HECTD4: variants seen among roughly 807,000 people sequenced by gnomAD.
The protein encoded by HECTD4 is HECT domain E3 ubiquitin protein ligase 4.
In HECTD4, 114 loss-of-function variants were observed where a neutral mutation model predicts 471.5. The observed-to-expected ratio is 0.24, with a 90% CI of 0.21 to 0.28. HECTD4 has a LOEUF of 0.28. Among genes scored for constraint, HECTD4 ranks in the 10% least tolerant of loss-of-function variants. The pLI is 1.00. For synonymous variants in HECTD4, 2,012 were observed against 2,256.0 expected, an observed-to-expected ratio of 0.89 and a Z score of 3.07; for missense variants, 3,866 against 5,651.5, an observed-to-expected ratio of 0.68 and a Z score of 10.13.
rs2033488453 is a variant in HECTD4, at chr12:112,235,791, A to G, written c.5445-7T>C. The G allele has an allele frequency of 3.1e-6, 5 of 1,604,786 alleles. No individual in the cohort carries two copies. Among genetic ancestry groups the G allele is most frequent in the Non-Finnish European group, 4.3e-6 (5 of 1,175,702 alleles). ...GGCTTTACCTATGTGGCTCCTGGGA[A>G]AAAAGGAAGAAAAGGTACACAGTGC... On this transcript the variant is annotated splice_polypyrimidine_tract_variant and splice_region_variant and intron_variant, in intron 35 of 75. Coordinates refer to ENST00000682272, the MANE Select transcript of HECTD4 (RefSeq NM_001388303.1). This position sits in a 1 kb window ranked among gnomAD's most constrained non-coding sequence, Gnocchi z 5.0.
At chr12:112,361,844 A>T (rs1359625183) in intron 1 of HECTD4, among the ~76,000 whole-genome samples, 1 of 152,182 alleles carries the variant, frequency 6.6e-6, no homozygotes, top group Non-Finnish European at 1.5e-5. Flanking sequence ...TTCCAAAAAC[A>T]ACAAAAAACT....
At position 112,306,367 on chromosome 12, in the gene HECTD4, T is replaced by C. The variant is rs1160431008; in HGVS notation, c.1165-133A>G. Reference sequence around the variant, plus strand: ...TTTCTGGTCAAAATAAAATGGATATTTATCTCTAATAATAACATACACAAA... The same window carrying C: ...TTTCTGGTCAAAATAAAATGGATATCTATCTCTAATAATAACATACACAAA... On this transcript the variant is annotated intron_variant, in intron 6 of 75. Coordinates refer to ENST00000682272, the MANE Select transcript of HECTD4 (RefSeq NM_001388303.1). 7.2e-6 allele frequency: 5 copies of C among 697,068 alleles called. No homozygotes were observed. The East Asian group carries it at 1.6e-4, about 23-fold the overall frequency. The allele number at this position is 697,068 out of a possible 1,614,324, so 43.2% of individuals were successfully genotyped here.
intron 52 of HECTD4, among the ~76,000 whole-genome samples, chr12:112,207,421 G>A (rs1287506990): frequency 0.015 from 1 of 66 alleles, no homozygotes; most frequent in African/African-American, 0.056. Context: ...GGGATTACAG[G>A]CGTGAGCACC....
At chr12:112,221,715 G>A (rs754266642) in intron 44 of HECTD4, among the ~76,000 whole-genome samples, 5 of 151,906 alleles carry the variant, frequency 3.3e-5, no homozygotes, top group Non-Finnish European at 7.4e-5. Context: ...TGAGCCCAGA[G>A]GCAACATAGG....
chr12:112,231,257 A>G, intron 39 of HECTD4: 1 of 537,890 alleles, frequency 1.9e-6, no homozygotes, highest in East Asian at 3.2e-5. Flanking sequence ...ATACTACTCA[A>G]AAGAATCCTC....
At position 112,216,976 on chromosome 12, in the gene HECTD4, C is replaced by T. The variant is rs2032934075; in HGVS notation, c.7237-55G>A. 7 of 1,596,278 alleles carry T rather than the reference C, an allele frequency of 4.4e-6. No individual in the cohort carries two copies. In the Admixed American group the frequency reaches 5.1e-5, roughly 12 times the overall value. ...CAGAGGGCTAATCCTGGGCCTGAGA[C>T]CTGCTTTTTCTTTCAAATCTGAAGA... On this transcript the variant is annotated intron_variant, in intron 46 of 75. Coordinates refer to ENST00000682272, the MANE Select transcript of HECTD4 (RefSeq NM_001388303.1).
chr12:112,369,386 G>C (rs1788685958), intron 1 of HECTD4, among the ~76,000 whole-genome samples: 1 of 142,386 alleles, frequency 7.0e-6, no homozygotes, highest in South Asian at 2.2e-4. Context: ...CTGTCATCCA[G>C]ACTGAAGTGC....
At chr12:112,240,735 G>C (rs1055693930) in intron 32 of HECTD4, among the ~76,000 whole-genome samples, 1 of 152,132 alleles carries the variant, frequency 6.6e-6, no homozygotes, top group Non-Finnish European at 1.5e-5. Context: ...ACAGGCCTGA[G>C]CCACTGTGCC....
rs1483811340 is a variant in HECTD4 at position 112,185,417 on chromosome 12, G to A, written c.9549C>T (p.Arg3183=). 6.3e-7 allele frequency: 1 copy of A among 1,596,830 alleles called. No homozygotes were observed. Among genetic ancestry groups the A allele is most frequent in the African/African-American group, 1.3e-5 (1 of 74,604 alleles). The change falls in exon 61 of 76, where the codon CGC becomes CGT. Residue 3183 remains arginine, a synonymous_variant. Transcript: ENST00000682272. ...GCCTCTGCTCCAGGGTGTGCACCGT[G>A]CGCAGGAGCTCTGCCAGGAGATGGA... ...LVFHLLAELL[R]TVHTLEQRRH...
intron 13 of HECTD4, among the ~76,000 whole-genome samples, chr12:112,267,786 ATTAAT>A (rs2034313141): frequency 6.6e-6 from 1 of 152,082 alleles, no homozygotes; most frequent in Non-Finnish European, 1.5e-5. Flanking sequence ...TTTTCTTTTC[ATTAAT>A]TTATTTGTGT....
chr12:112,189,620 C>T (rs2032009012), intron 60 of HECTD4, among the ~76,000 whole-genome samples: 1 of 151,274 alleles, frequency 6.6e-6, no homozygotes, highest in African/African-American at 2.4e-5. Context: ...TGTTCTCCTG[C>T]AGCAGTGGAT....
chr12:112,337,120 A>C (rs747722245), intron 1 of HECTD4, among the ~76,000 whole-genome samples: 1 of 152,212 alleles, frequency 6.6e-6, no homozygotes, highest in Non-Finnish European at 1.5e-5. Context: ...TTGAGACTCA[A>C]AACTGTTTAT....
intron 55 of HECTD4, among the ~76,000 whole-genome samples, chr12:112,199,666 G>C (rs1390713763): frequency 6.6e-6 from 1 of 152,224 alleles, no homozygotes; most frequent in Non-Finnish European, 1.5e-5. Context: ...AGCTTTGCCA[G>C]ATCTTTAGGT....
intron 6 of HECTD4, 149 bp downstream of exon 6, chr12:112,308,604 A>C: frequency 2.7e-6 from 2 of 741,520 alleles, no homozygotes; most frequent in Non-Finnish European, 2.1e-6. Context: ...ACATTAAATA[A>C]AAAACAGAAT....
chr12:112,297,674 G>A (rs1464651596), intron 7 of HECTD4, among the ~76,000 whole-genome samples: 1 of 152,028 alleles, frequency 6.6e-6, no homozygotes, highest in Non-Finnish European at 1.5e-5. Flanking sequence ...AACCTCAGGA[G>A]TTTAGCTGGG....
chr12:112,317,208 G>A (rs982339959), intron 2 of HECTD4, among the ~76,000 whole-genome samples: 3 of 152,156 alleles, frequency 2.0e-5, no homozygotes, highest in Non-Finnish European at 4.4e-5. Context: ...GCCTTTACAA[G>A]GAAACTTGTT....
chr12:112,180,837 A>G (rs1173901972), intron 62 of HECTD4, among the ~76,000 whole-genome samples: 1 of 152,168 alleles, frequency 6.6e-6, no homozygotes, highest in Non-Finnish European at 1.5e-5. Context: ...GACCAGGGTG[A>G]GCCCACCGAG....
rs1041029620 is a variant in HECTD4 at position 112,213,409 on chromosome 12, G to A, written c.7466-759C>T. On this transcript the variant is annotated intron_variant, in intron 48 of 75. Coordinates refer to ENST00000682272, the MANE Select transcript of HECTD4 (RefSeq NM_001388303.1). The surrounding 1 kb of genome is among the most constrained non-coding windows in gnomAD (Gnocchi z 4.0). The stretch of plus-strand genomic sequence containing the variant: ...GGCCTAAAAATATATAATTTAGGCC[G>A]GGCACAGTGGCTCAAGCCTGTAATC... Among the ~76,000 whole-genome samples the A allele has an allele frequency of 3.3e-5, 5 of 151,986 alleles. No individual in the cohort carries two copies. The highest frequency in any genetic ancestry group is 5.9e-5 in the Non-Finnish European group (4 of 67,996).
chr12:112,235,846 G>T lies in HECTD4; in HGVS notation c.5445-62C>A. On this transcript the variant is annotated intron_variant, in intron 35 of 75. Transcript: ENST00000682272. The surrounding 1 kb of genome is among the most constrained non-coding windows in gnomAD (Gnocchi z 5.0). ...AATGTTGATCTATAGACATTCAGAA[G>T]CAAGAGTTCTCTGAATGAAACAAAC... The T allele has an allele frequency of 7.3e-7, 1 of 1,372,742 alleles. No homozygotes were observed. The highest frequency in any genetic ancestry group is 9.9e-7 in the Non-Finnish European group (1 of 1,011,502). 85.0% of individuals were successfully genotyped at this position (1,372,742 alleles called of 1,614,324 possible).
Sources: allele counts gnomAD v4.1 joint callset (sites outside exome capture counted in the v4.1 genomes callset), GRCh38; gene constraint gnomAD v4.1.1; non-coding constraint Gnocchi (gnomAD v3.1); transcripts MANE v1.5; gene names NCBI Gene and HGNC (gene_info 2026-07-23, HGNC 2026-07-21).